Variants in UMAD1 observed in about 807,000 individuals in gnomAD.
The protein encoded by UMAD1 is UBAP1-MVB12-associated (UMA)-domain containing protein 1.
A neutral mutation model predicts 6.1 loss-of-function variants in UMAD1; 8 were observed. The ratio of observed to expected loss-of-function variants is 1.30; its 90% CI spans 0.76 to 2.35. The LOEUF is 2.35. Among genes scored for constraint, UMAD1 ranks in the 30% most tolerant of loss-of-function variants. The probability of loss-of-function intolerance (pLI) is 0.00; values close to 1 mark genes in which losing one functional copy is unlikely to be tolerated. For missense variants in UMAD1, 130 were observed against 78.4 expected, an observed-to-expected ratio of 1.66 and a Z score of -2.49; for synonymous variants, 56 against 31.4, an observed-to-expected ratio of 1.78 and a Z score of -2.61.
intron 2 of UMAD1, among the ~76,000 whole-genome samples, chr7:7,774,619 A>G (rs940461147): frequency 2.0e-5 from 3 of 152,236 alleles, no homozygotes; most frequent in Non-Finnish European, 4.4e-5. Flanking sequence ...GAAAGAGAAT[A>G]CAAGAAATAT....
chr7:7,739,612 C>G (rs1263880848), intron 2 of UMAD1, among the ~76,000 whole-genome samples: 1 of 151,990 alleles, frequency 6.6e-6, no homozygotes, highest in African/African-American at 2.4e-5. Flanking sequence ...TTCCTAGTGA[C>G]GTAACAAATC....
At chr7:7,677,414 C>T (rs1420620310) in intron 2 of UMAD1, among the ~76,000 whole-genome samples, 1 of 152,058 alleles carries the variant, frequency 6.6e-6, no homozygotes, top group Admixed American at 6.5e-5. Context: ...TGCTACCCTT[C>T]CTTGCCTTTG....
chr7:7,711,476 T>G (rs1407551283), intron 2 of UMAD1, among the ~76,000 whole-genome samples: 1 of 152,216 alleles, frequency 6.6e-6, no homozygotes, highest in Non-Finnish European at 1.5e-5. Context: ...TTTAAGGATA[T>G]TGTACTTCAA....
chr7:7,750,293 A>G (rs762648024), intron 2 of UMAD1, among the ~76,000 whole-genome samples: 2 of 152,166 alleles, frequency 1.3e-5, no homozygotes, highest in African/African-American at 4.8e-5. Flanking sequence ...GCTAGAGTCC[A>G]TTTCACATCT....
intron 2 of UMAD1, among the ~76,000 whole-genome samples, chr7:7,717,207 C>T (rs1780937935): frequency 6.6e-6 from 1 of 152,050 alleles, no homozygotes; most frequent in African/African-American, 2.4e-5. Context: ...CCGGTATGCG[C>T]CACCACGCCC....
At chr7:7,669,300 TTAGTGGCATTTG>T in intron 1 of UMAD1, among the ~76,000 whole-genome samples, 2 of 152,280 alleles carry the variant, frequency 1.3e-5, no homozygotes, top group Middle Eastern at 6.8e-3. Flanking sequence ...TCAGTAAATG[TTAGTGGCATTTG>T]TAGTTATTCC....
intron 3 of UMAD1, among the ~76,000 whole-genome samples, chr7:7,847,087 CAAAAAAAA>C (rs1190292068): frequency 0.018 from 115 of 6,248 alleles, 7 homozygotes; most frequent in South Asian, 0.03. Flanking sequence ...GACAGCAATG[CAAAAAAAA>C]AAAAAAAAAA....
At chr7:7,665,954 T>C (rs1475038074) in intron 1 of UMAD1, among the ~76,000 whole-genome samples, 1 of 152,206 alleles carries the variant, frequency 6.6e-6, no homozygotes, top group Non-Finnish European at 1.5e-5. Flanking sequence ...TTGGGTTGTT[T>C]CCATTTTTTG....
At chr7:7,641,906 T>G (rs1444117549) in intron 1 of UMAD1, among the ~76,000 whole-genome samples, 1 of 152,222 alleles carries the variant, frequency 6.6e-6, no homozygotes, top group Non-Finnish European at 1.5e-5. Context: ...TAGTGTTTCC[T>G]TAGCACTTAA....
At chr7:7,863,027 A>G (rs1784144519) in intron 3 of UMAD1, among the ~76,000 whole-genome samples, 1 of 151,986 alleles carries the variant, frequency 6.6e-6, no homozygotes, top group Non-Finnish European at 1.5e-5. Context: ...TGTAAAAAAA[A>G]AGAAATCAGC....
chr7:7,666,947 G>T (rs558180393), intron 1 of UMAD1, among the ~76,000 whole-genome samples: 1 of 152,214 alleles, frequency 6.6e-6, no homozygotes, highest in African/African-American at 2.4e-5. Context: ...AGCTGGGATT[G>T]CAGGCGTGCG....
At chr7:7,775,638 C>T (rs1315849801) in intron 2 of UMAD1, among the ~76,000 whole-genome samples, 1 of 152,126 alleles carries the variant, frequency 6.6e-6, no homozygotes, top group Admixed American at 6.5e-5. Flanking sequence ...GCTAAAATTA[C>T]AAAGACTGAC....
intron 2 of UMAD1, among the ~76,000 whole-genome samples, chr7:7,719,131 T>C (rs1252624270): frequency 6.6e-6 from 1 of 152,194 alleles, no homozygotes; most frequent in African/African-American, 2.4e-5. Context: ...GATTTAGTGA[T>C]GGTTTAGAGA....
intron 2 of UMAD1, among the ~76,000 whole-genome samples, chr7:7,691,396 T>G (rs1328567978): frequency 6.6e-6 from 1 of 152,242 alleles, no homozygotes; most frequent in Non-Finnish European, 1.5e-5. Flanking sequence ...CAATTTAAAC[T>G]TAGAATTACT....
chr7:7,656,628 C>T (rs1168579936), intron 1 of UMAD1, among the ~76,000 whole-genome samples: 1 of 152,096 alleles, frequency 6.6e-6, no homozygotes, highest in Admixed American at 6.6e-5. Context: ...CATCCATGTC[C>T]CTGCAAAGGA....
At chr7:7,866,691 G>T (rs1444150972) in intron 3 of UMAD1, among the ~76,000 whole-genome samples, 1 of 152,186 alleles carries the variant, frequency 6.6e-6, no homozygotes. Context: ...ATGCAGTAAA[G>T]AGTTTAGGAA....
chr7:7,779,666 A>G (rs995567510), intron 2 of UMAD1, among the ~76,000 whole-genome samples: 2 of 151,530 alleles, frequency 1.3e-5, no homozygotes, highest in Non-Finnish European at 2.9e-5. Context: ...TATTTTTGAG[A>G]CAGGGTCTCA....
chr7:7,788,290 C>T (rs2115260969), intron 2 of UMAD1, among the ~76,000 whole-genome samples: 1 of 152,272 alleles, frequency 6.6e-6, no homozygotes, highest in African/African-American at 2.4e-5. Context: ...GAAGCTGAAG[C>T]ATGAAGATTG....
Position 7,723,230 on chromosome 7 carries a change from C to G in UMAD1, c.82+49777C>G, listed in dbSNP as rs543410436. Reference sequence around the variant, plus strand: ...GCTTAAATTTTTCAGTTTACATAAGCAGAAATCTGGAGAACAGGCGTGGGA... The same window carrying G: ...GCTTAAATTTTTCAGTTTACATAAGGAGAAATCTGGAGAACAGGCGTGGGA... On this transcript the variant is annotated intron_variant, in intron 2 of 3. Coordinates refer to ENST00000682710, the MANE Select transcript of UMAD1 (RefSeq NM_001302348.2). Among the ~76,000 whole-genome samples the G allele has an allele frequency of 3.3e-5, 5 of 152,210 alleles. No homozygotes were observed. In the East Asian group the frequency reaches 7.7e-4, roughly 24 times the overall value.
Sources: allele counts gnomAD v4.1 joint callset (sites outside exome capture counted in the v4.1 genomes callset), GRCh38; gene constraint gnomAD v4.1.1; transcripts MANE v1.5; gene names NCBI Gene and HGNC (gene_info 2026-07-23, HGNC 2026-07-21).